Variants in ZFAND3 observed in about 807,000 individuals in gnomAD.
The protein encoded by ZFAND3 is zinc finger AN1-type containing 3, also known as AN1-type zinc finger protein 3.
In ZFAND3, 10 loss-of-function variants were observed where a neutral mutation model predicts 29.6. That is an observed-to-expected ratio of 0.34 (90% CI 0.21 to 0.57). The LOEUF (loss-of-function observed/expected upper bound fraction) is 0.57, where lower values mean the gene tolerates loss of function less well. ZFAND3 is among the 20% of genes least tolerant of loss of function. The pLI, the probability that ZFAND3 is intolerant of heterozygous loss-of-function variation, is 0.86. For missense variants in ZFAND3, 230 were observed against 304.5 expected (o/e 0.76, Z 1.82); for synonymous variants, 128 against 112.6 (o/e 1.14, Z -0.87).
chr6:37,881,083 T>G (rs1163663586), intron 1 of ZFAND3, among the ~76,000 whole-genome samples: 2 of 152,110 alleles, frequency 1.3e-5, no homozygotes, highest in Non-Finnish European at 2.9e-5. Context: ...ATGTTTTTTG[T>G]TTTTTTGAGA....
chr6:37,900,864 C>T (rs1052108347), intron 1 of ZFAND3, among the ~76,000 whole-genome samples: 3 of 151,994 alleles, frequency 2.0e-5, no homozygotes, highest in African/African-American at 4.8e-5. Context: ...AGCATGCAGG[C>T]AGAATATGGA....
intron 5 of ZFAND3, among the ~76,000 whole-genome samples, chr6:38,133,915 G>A (rs1765791924): frequency 6.6e-6 from 1 of 152,104 alleles, no homozygotes; most frequent in Admixed American, 6.5e-5. Flanking sequence ...GCTGGCCCAT[G>A]GGGTCCCCAA....
At chr6:38,051,696 T>C (rs1266796812) in intron 2 of ZFAND3, among the ~76,000 whole-genome samples, 3 of 152,254 alleles carry the variant, frequency 2.0e-5, no homozygotes, top group Non-Finnish European at 4.4e-5. Context: ...ACTGTATGTA[T>C]ATATGCGCAC....
chr6:37,978,498 T>G (rs73421444), intron 2 of ZFAND3, among the ~76,000 whole-genome samples: 1 of 152,156 alleles, frequency 6.6e-6, no homozygotes, highest in Non-Finnish European at 1.5e-5. Flanking sequence ...GGGGTTTGTT[T>G]AGAGTTGCTG....
intron 4 of ZFAND3, among the ~76,000 whole-genome samples, chr6:38,111,528 ACTC>A (rs899372557): frequency 1.3e-5 from 2 of 151,776 alleles, no homozygotes; most frequent in African/African-American, 4.8e-5. Flanking sequence ...CCAGCCCCCC[ACTC>A]CTCCTTCGTC....
intron 1 of ZFAND3, among the ~76,000 whole-genome samples, chr6:37,892,895 A>T (rs1039995971): frequency 9.2e-5 from 14 of 152,224 alleles, no homozygotes; most frequent in Admixed American, 9.2e-4. Flanking sequence ...TCTGAAACAG[A>T]CTCAGAAAGT....
Position 38,103,524 on chromosome 6 carries a change from C to T in ZFAND3, c.362-13048C>T, listed in dbSNP as rs62396988. Among the ~76,000 whole-genome samples, 179 of 37,994 alleles carry T rather than the reference C, an allele frequency of 4.7e-3. 3 individuals carry two copies. Among genetic ancestry groups the T allele is most frequent in the South Asian group, 0.035 (57 of 1,606 alleles). 24.9% of individuals were successfully genotyped at this position (37,994 alleles called of 152,430 possible). A position where few individuals can be genotyped will look rare whatever the true frequency, so the allele number is the denominator to read the frequency against. ...ATATATATACACGTGTATATATACACATATATATACACACACACATACATA... is the reference window on the plus strand; with the variant it reads ...ATATATATACACGTGTATATATACATATATATATACACACACACATACATA... On this transcript the variant is annotated intron_variant, in intron 4 of 5. Coordinates refer to ENST00000287218, the MANE Select transcript of ZFAND3 (RefSeq NM_021943.3).
chr6:37,893,144 A>G (rs936628715), intron 1 of ZFAND3, among the ~76,000 whole-genome samples: 2 of 152,218 alleles, frequency 1.3e-5, no homozygotes, highest in African/African-American at 4.8e-5. Flanking sequence ...GTAAAGTATC[A>G]TAATCACATT....
intron 2 of ZFAND3, among the ~76,000 whole-genome samples, chr6:38,013,740 A>AC (rs200080537): frequency 0.072 from 10,804 of 151,056 alleles, 449 homozygotes; most frequent in Non-Finnish European, 0.087. Flanking sequence ...AAAAAAAACA[A>AC]AAAAAACCTC....
intron 5 of ZFAND3, among the ~76,000 whole-genome samples, chr6:38,140,570 G>C (rs1765928919): frequency 6.6e-6 from 1 of 152,148 alleles, no homozygotes; most frequent in South Asian, 2.1e-4. Flanking sequence ...GCTCACTGCA[G>C]CCTTGACCTC....
chr6:38,015,380 A>T (rs1171018714), intron 2 of ZFAND3, among the ~76,000 whole-genome samples: 1 of 152,230 alleles, frequency 6.6e-6, no homozygotes, highest in Non-Finnish European at 1.5e-5. Context: ...GTAAGAATTG[A>T]ATACTGCCTT....
At chr6:37,967,117 C>A (rs1018946395) in intron 2 of ZFAND3, among the ~76,000 whole-genome samples, 2 of 152,120 alleles carry the variant, frequency 1.3e-5, no homozygotes, top group Non-Finnish European at 2.9e-5. Context: ...TGTAAAGTTA[C>A]TCTTCTTGTT....
intron 1 of ZFAND3, among the ~76,000 whole-genome samples, chr6:37,832,054 C>A (rs1763871730): frequency 6.6e-6 from 1 of 152,196 alleles, no homozygotes; most frequent in African/African-American, 2.4e-5. Flanking sequence ...CTTTGGCAAT[C>A]TGGTGAAGTC....
intron 4 of ZFAND3, among the ~76,000 whole-genome samples, chr6:38,114,442 C>T (rs2127483659): frequency 6.6e-6 from 1 of 152,356 alleles, no homozygotes; most frequent in Non-Finnish European, 1.5e-5. Context: ...GACAGCTTTG[C>T]TCAGCAGAGC....
intron 5 of ZFAND3, among the ~76,000 whole-genome samples, chr6:38,122,313 A>G (rs976981564): frequency 1.3e-5 from 2 of 152,238 alleles, no homozygotes; most frequent in African/African-American, 2.4e-5. Context: ...TGTAAATGCT[A>G]TGTAAATTGT....
intron 1 of ZFAND3, among the ~76,000 whole-genome samples, chr6:37,923,799 A>G (rs1215526529): frequency 6.6e-6 from 1 of 152,220 alleles, no homozygotes; most frequent in East Asian, 1.9e-4. Flanking sequence ...TGAAAGTATC[A>G]TTATGCAGTG....
chr6:37,862,634 G>C (rs1437245507), intron 1 of ZFAND3, among the ~76,000 whole-genome samples: 1 of 151,818 alleles, frequency 6.6e-6, no homozygotes, highest in Non-Finnish European at 1.5e-5. Context: ...AGCTGGGGAG[G>C]TCAAGGCTGC....
chr6:37,824,469 A>G (rs931416090), intron 1 of ZFAND3, among the ~76,000 whole-genome samples: 1 of 152,220 alleles, frequency 6.6e-6, no homozygotes, highest in Non-Finnish European at 1.5e-5. Flanking sequence ...TAATAGGGTA[A>G]TTAGGATGGA....
At chr6:38,088,934 A>G (rs1165122193) in intron 4 of ZFAND3, among the ~76,000 whole-genome samples, 1 of 152,116 alleles carries the variant, frequency 6.6e-6, no homozygotes, top group African/African-American at 2.4e-5. Flanking sequence ...TCATCTTTTT[A>G]CCCTATAAGA....
Sources: gnomAD v4.1 joint callset for allele counts (sites outside exome capture counted in the v4.1 genomes callset) on GRCh38, gnomAD v4.1.1 for gene constraint, MANE v1.5 for transcripts, NCBI Gene and HGNC (gene_info 2026-07-23, HGNC 2026-07-21) for gene names.